SOCS7: variants seen among roughly 807,000 people sequenced by gnomAD.
SOCS7 encodes NAP-4.
Under a neutral mutation model 58.9 loss-of-function variants are expected in SOCS7, and 18 were observed. That is an observed-to-expected ratio of 0.31 (90% CI 0.21 to 0.45). The LOEUF (loss-of-function observed/expected upper bound fraction) is 0.45, where lower values mean the gene tolerates loss of function less well. SOCS7 is among the 20% of genes least tolerant of loss of function. SOCS7 has a pLI of 1.00. For missense variants in SOCS7, 667 were observed against 837.3 expected (o/e 0.80, Z 2.51); for synonymous variants, 388 against 364.3 (o/e 1.06, Z -0.74).
chr17:38,388,611 A>G (rs533616500), intron 7 of SOCS7, among the ~76,000 whole-genome samples: 1 of 152,352 alleles, frequency 6.6e-6, no homozygotes, highest in African/African-American at 2.4e-5. Context: ...GAATGTTTTC[A>G]TCACACCAAA....
At chr17:38,366,234 G>A in intron 4 of SOCS7, 53 bp from the exon 5 acceptor site, 1 of 1,597,018 alleles carries the variant, frequency 6.3e-7, no homozygotes, top group Non-Finnish European at 8.5e-7. Context: ...GGGTCTATTT[G>A]TGGTTGGGAG....
At chr17:38,393,854 C>T (rs1343257339) in intron 7 of SOCS7, among the ~76,000 whole-genome samples, 3 of 151,926 alleles carry the variant, frequency 2.0e-5, no homozygotes, top group African/African-American at 4.8e-5. Context: ...GAGCCGAGAT[C>T]GCGCCACTGC....
intron 9 of SOCS7, among the ~76,000 whole-genome samples, chr17:38,399,124 G>T (rs908990510): frequency 6.6e-6 from 1 of 151,572 alleles, no homozygotes; most frequent in African/African-American, 2.4e-5. Context: ...GAAATATAGA[G>T]CTCTTTCTTG....
rs143488890 is a variant in SOCS7, at chr17:38,395,074, A to G, written c.1682-235A>G. On this transcript the variant is annotated intron_variant, in intron 7 of 9. Coordinates refer to ENST00000612932, the MANE Select transcript of SOCS7 (RefSeq NM_014598.4). Reference sequence around the variant, plus strand: ...CAAAAAACAAAACAAAAGACACACAAAAAAGTGATGCTAGGGAGGCCTTTG... The same window carrying G: ...CAAAAAACAAAACAAAAGACACACAGAAAAGTGATGCTAGGGAGGCCTTTG... Among the ~76,000 whole-genome samples the G allele has an allele frequency of 9.2e-5, 14 of 152,184 alleles. No homozygotes were observed. In the East Asian group the frequency reaches 2.7e-3, roughly 29 times the overall value.
intron 6 of SOCS7, among the ~76,000 whole-genome samples, chr17:38,369,984 G>A (rs1457442505): frequency 6.6e-6 from 1 of 151,916 alleles, no homozygotes; most frequent in African/African-American, 2.4e-5. Flanking sequence ...GTAGACACAG[G>A]GTTTCACCAT....
Position 38,352,504 on chromosome 17 carries a change from C to T in SOCS7, c.452C>T (p.Pro151Leu). ...GGTTGCTGCCCGTGTCCGTGTCCTC[C>T]TCAGCCGCCCCCTCCGCAGCCCCAG... ...GGGCCPCPCPPQPPPPQPQPP... is the reference protein window; with the variant it reads ...GGGCCPCPCPLQPPPPQPQPP... Residue 151 changes from proline (P) to leucine (L), a missense_variant, in exon 1 of 10, where the codon CCT becomes CTT. Pro to Leu is a moderately conservative substitution (Grantham distance 98). Coordinates refer to ENST00000612932, the MANE Select transcript of SOCS7 (RefSeq NM_014598.4). This position sits in a 1 kb window ranked among gnomAD's most constrained non-coding sequence, Gnocchi z 5.5. 1.9e-6 allele frequency: 3 copies of T among 1,542,242 alleles called. No individual in the cohort carries two copies. The highest frequency in any genetic ancestry group is 2.6e-6 in the Non-Finnish European group (3 of 1,143,126).
In SOCS7 at chr17:38,401,029, T is replaced by G. The variant is rs1050939485; in HGVS notation, c.*1547T>G. ...AAGACAGATACTAATGTCAGGTTTGTGGCTTCCTGATGGTTTGGGTGGGGC... is the reference window on the plus strand; with the variant it reads ...AAGACAGATACTAATGTCAGGTTTGGGGCTTCCTGATGGTTTGGGTGGGGC... On this transcript the variant is annotated 3_prime_UTR_variant, in exon 10 of 10. Transcript: ENST00000612932. The G allele has an allele frequency of 2.0e-5, 3 of 152,246 alleles. No individual in the cohort carries two copies. Among genetic ancestry groups the G allele is most frequent in the Admixed American group, 2.0e-4 (3 of 15,286 alleles). The allele number at this position is 152,246 out of a possible 1,614,324, so 9.4% of individuals were successfully genotyped here.
intron 9 of SOCS7, among the ~76,000 whole-genome samples, chr17:38,397,044 G>A (rs149932177): frequency 4.6e-5 from 7 of 152,174 alleles, no homozygotes; most frequent in Admixed American, 2.0e-4. Context: ...AGAGGACCAC[G>A]TCTGTGGGTG....
At chr17:38,395,225 C>T (rs746563681) in intron 7 of SOCS7, 84 bp from the exon 8 acceptor site, 2 of 1,437,190 alleles carry the variant, frequency 1.4e-6, no homozygotes, top group South Asian at 2.5e-5. Context: ...TCCCATTTCC[C>T]CTCCCTAGGT....
chr17:38,389,872 T>TATATATATATATATATGTGTAC lies in SOCS7; in HGVS notation c.1682-5427_1682-5426insATATATGTGTACATATATATAT, dbSNP rs2038137969. On this transcript the variant is annotated intron_variant, in intron 7 of 9. Coordinates refer to ENST00000612932, the MANE Select transcript of SOCS7 (RefSeq NM_014598.4). ...TGTTTGGTGTGTATGTGTGTACATA[T>TATATATATATATATATGTGTAC]ATATATATATGTACATATATATATA... Among the ~76,000 whole-genome samples, 36 of 111,748 alleles carry TATATATATATATATATGTGTAC rather than the reference T, an allele frequency of 3.2e-4. 3 individuals carry two copies. The highest frequency in any genetic ancestry group is 5.1e-4 in the South Asian group (2 of 3,940). 73.3% of individuals were successfully genotyped at this position (111,748 alleles called of 152,430 possible).
At chr17:38,379,382 GGC>G (rs2037973186) in intron 7 of SOCS7, among the ~76,000 whole-genome samples, 1 of 152,066 alleles carries the variant, frequency 6.6e-6, no homozygotes, top group African/African-American at 2.4e-5. Context: ...AGGAGGCTGA[GGC>G]GGGAGAATTG....
intron 6 of SOCS7, among the ~76,000 whole-genome samples, chr17:38,370,179 G>A (rs550029692): frequency 1.3e-5 from 2 of 151,932 alleles, no homozygotes; most frequent in South Asian, 4.1e-4. Context: ...TGCATTTTTA[G>A]TAGAGACAGG....
chr17:38,372,101 A>G (rs1194476788), intron 6 of SOCS7, among the ~76,000 whole-genome samples: 1 of 152,140 alleles, frequency 6.6e-6, no homozygotes, highest in African/African-American at 2.4e-5. Context: ...AGGTCTGCTT[A>G]TACATGGATT....
At chr17:38,354,561 G>C (rs2037607783) in intron 1 of SOCS7, among the ~76,000 whole-genome samples, 1 of 152,196 alleles carries the variant, frequency 6.6e-6, no homozygotes, top group Non-Finnish European at 1.5e-5. Context: ...TGTCCCTTTA[G>C]GTAGGCCAGT....
In SOCS7 at chr17:38,401,223, A is replaced by G. The variant is rs2038314378; in HGVS notation, c.*1741A>G. On this transcript the variant is annotated 3_prime_UTR_variant, in exon 10 of 10. Transcript: ENST00000612932. ...ACAAGATGAGCTGTGCACCATAAACACAGCCCACCTCTGATTTGTCATGTG... is the reference window on the plus strand; with the variant it reads ...ACAAGATGAGCTGTGCACCATAAACGCAGCCCACCTCTGATTTGTCATGTG... 2.0e-5 allele frequency: 3 copies of G among 152,214 alleles called. 1 individual carries two copies. The South Asian group carries it at 6.2e-4, about 32-fold the overall frequency. The allele number at this position is 152,214 out of a possible 1,614,324, so 9.4% of individuals were successfully genotyped here.
rs534921127 is a variant in SOCS7 at position 38,374,831 on chromosome 17, T to C, written c.1553-2883T>C. Among the ~76,000 whole-genome samples the C allele has an allele frequency of 5.3e-5, 8 of 152,368 alleles. No individual in the cohort carries two copies. In the East Asian group the frequency reaches 1.5e-3, roughly 29 times the overall value. ...CAGAAAACATTAATGTCAGGCAATCTGGCAGAAGGGTCGAGGTTATTTGAG... is the reference window on the plus strand; with the variant it reads ...CAGAAAACATTAATGTCAGGCAATCCGGCAGAAGGGTCGAGGTTATTTGAG... On this transcript the variant is annotated intron_variant, in intron 6 of 9. Coordinates refer to ENST00000612932, the MANE Select transcript of SOCS7 (RefSeq NM_014598.4).
At chr17:38,361,632 G>A in intron 1 of SOCS7, 79 bp from the exon 2 acceptor site, 1 of 1,071,938 alleles carries the variant, frequency 9.3e-7, no homozygotes, top group Non-Finnish European at 1.5e-6. Context: ...AGTGCATCTG[G>A]AACTGAGTGT....
At chr17:38,361,244 G>A (rs906112223) in intron 1 of SOCS7, among the ~76,000 whole-genome samples, 10 of 152,264 alleles carry the variant, frequency 6.6e-5, no homozygotes, top group African/African-American at 2.4e-4. Flanking sequence ...ATCCTGCAGT[G>A]CTATTCTCAG....
chr17:38,354,474 CCCTTTCTGAACAGCT>C (rs56814788), intron 1 of SOCS7, among the ~76,000 whole-genome samples: 7,276 of 152,250 alleles, frequency 0.048, 206 homozygotes, highest in Middle Eastern at 0.23. Context: ...GGCTTTCTTG[CCCTTTCTGAACAGCT>C]GTGCCATGGG....
Sources: allele counts gnomAD v4.1 joint callset (sites outside exome capture counted in the v4.1 genomes callset), GRCh38; gene constraint gnomAD v4.1.1; non-coding constraint Gnocchi (gnomAD v3.1); transcripts MANE v1.5; gene names NCBI Gene and HGNC (gene_info 2026-07-23, HGNC 2026-07-21).